RALYL: variants seen among roughly 807,000 people sequenced by gnomAD.
The protein encoded by RALYL is RNA-binding Raly-like protein.
Under a neutral mutation model 35.1 loss-of-function variants are expected in RALYL, and 29 were observed. The ratio of observed to expected loss-of-function variants is 0.83; its 90% confidence interval spans 0.61 to 1.13. The LOEUF (loss-of-function observed/expected upper bound fraction) is 1.13, where lower values mean the gene tolerates loss of function less well. Among genes scored for constraint, RALYL ranks in the 50% most tolerant of loss-of-function variants. The probability of loss-of-function intolerance (pLI) is 0.00; values close to 1 mark genes in which losing one functional copy is unlikely to be tolerated. For synonymous variants in RALYL, 120 were observed against 127.6 expected, an observed-to-expected ratio of 0.94 and a Z score of 0.40; for missense variants, 359 against 360.4, an observed-to-expected ratio of 1.00 and a Z score of 0.03.
chr8:84,818,549 G>A (rs1161461137), intron 4 of RALYL, among the ~76,000 whole-genome samples: 1 of 152,152 alleles, frequency 6.6e-6, no homozygotes, highest in African/African-American at 2.4e-5. Flanking sequence ...AGTCTAGTGA[G>A]CTAGGAAGAT....
At chr8:84,730,010 G>T (rs954713039) in intron 2 of RALYL, among the ~76,000 whole-genome samples, 12 of 152,138 alleles carry the variant, frequency 7.9e-5, no homozygotes, top group Non-Finnish European at 1.2e-4. Flanking sequence ...TAGAAAAAGA[G>T]GGAATCTTCC....
chr8:84,322,077 G>A (rs887854538), intron 1 of RALYL, among the ~76,000 whole-genome samples: 1 of 151,952 alleles, frequency 6.6e-6, no homozygotes, highest in Non-Finnish European at 1.5e-5. Context: ...ATTATAATTC[G>A]AGTCTTTAAT....
intron 2 of RALYL, among the ~76,000 whole-genome samples, chr8:84,562,712 A>G (rs2061542853): frequency 1.3e-5 from 2 of 151,912 alleles, no homozygotes; most frequent in Non-Finnish European, 2.9e-5. Context: ...CAGACCAGAA[A>G]CATCTGTCTC....
chr8:84,464,590 G>A (rs1448105283), intron 1 of RALYL, among the ~76,000 whole-genome samples: 6 of 149,614 alleles, frequency 4.0e-5, no homozygotes, highest in South Asian at 2.1e-4. Context: ...GAATAATGCC[G>A]CAATAAACAT....
chr8:84,664,284 T>TC (rs2131701106), intron 2 of RALYL, among the ~76,000 whole-genome samples: 1 of 150,740 alleles, frequency 6.6e-6, no homozygotes, highest in South Asian at 2.1e-4. Context: ...TTTTTTTTTT[T>TC]TTTCGCTTTG....
At chr8:84,600,066 A>G (rs1302509641) in intron 2 of RALYL, among the ~76,000 whole-genome samples, 1 of 151,914 alleles carries the variant, frequency 6.6e-6, no homozygotes, top group Non-Finnish European at 1.5e-5. Flanking sequence ...AAGCACATAC[A>G]CTTATAGATT....
chr8:84,541,026 G>A (rs963116328), intron 2 of RALYL, among the ~76,000 whole-genome samples: 7 of 151,374 alleles, frequency 4.6e-5, no homozygotes, highest in Non-Finnish European at 5.9e-5. Flanking sequence ...TTCATTTTAA[G>A]TCAGATTAGT....
chr8:84,583,852 T>G (rs1811388801), intron 2 of RALYL, among the ~76,000 whole-genome samples: 1 of 152,190 alleles, frequency 6.6e-6, no homozygotes. Context: ...AAACAGAGGC[T>G]TAGGAATAGT....
chr8:84,773,786 T>C (rs572332615), intron 2 of RALYL, among the ~76,000 whole-genome samples: 1 of 152,320 alleles, frequency 6.6e-6, no homozygotes, highest in Admixed American at 6.5e-5. Context: ...CTTTTCTATA[T>C]AAATGGAAAA....
intron 2 of RALYL, among the ~76,000 whole-genome samples, chr8:84,611,686 C>T (rs761782163): frequency 8.5e-5 from 13 of 152,204 alleles, no homozygotes; most frequent in East Asian, 7.7e-4. Flanking sequence ...GTTTGATTAA[C>T]GCAATAAATA....
chr8:84,874,675 A>T (rs749181991), intron 7 of RALYL, among the ~76,000 whole-genome samples: 2 of 152,192 alleles, frequency 1.3e-5, no homozygotes, highest in Non-Finnish European at 2.9e-5. Flanking sequence ...GAAAAGAAGC[A>T]CATGTGAGGT....
At chr8:84,607,311 T>C (rs920460683) in intron 2 of RALYL, among the ~76,000 whole-genome samples, 1 of 152,104 alleles carries the variant, frequency 6.6e-6, no homozygotes, top group Non-Finnish European at 1.5e-5. Context: ...TAATTTACAG[T>C]AATGCAATAA....
chr8:84,525,808 A>G (rs539849416), intron 1 of RALYL, among the ~76,000 whole-genome samples: 1 of 152,080 alleles, frequency 6.6e-6, no homozygotes, highest in South Asian at 2.1e-4. Flanking sequence ...TAAAAGTCCC[A>G]TTTGATTCAT....
chr8:84,369,302 G>GTATTTATTTATTTATTTATTTATT (rs143936722), intron 1 of RALYL, among the ~76,000 whole-genome samples: 2 of 151,108 alleles, frequency 1.3e-5, no homozygotes, highest in African/African-American at 4.9e-5. Context: ...GAAAAAACTA[G>GTATTTATTTATTTATTTATTTATT]TATTTATTTA....
chr8:84,478,832 A>G (rs574603213), intron 1 of RALYL, among the ~76,000 whole-genome samples: 1 of 151,112 alleles, frequency 6.6e-6, no homozygotes, highest in African/African-American at 2.4e-5. Flanking sequence ...CACGCCTGTA[A>G]TCCCAGCACT....
chr8:84,575,339 A>G (rs962242839), intron 2 of RALYL, among the ~76,000 whole-genome samples: 2 of 152,194 alleles, frequency 1.3e-5, no homozygotes, highest in African/African-American at 4.8e-5. Context: ...AAAAAATTTT[A>G]AACATAACTT....
chr8:84,207,576 G>C (rs1366668309), intron 1 of RALYL, among the ~76,000 whole-genome samples: 1 of 151,942 alleles, frequency 6.6e-6, no homozygotes, highest in Non-Finnish European at 1.5e-5. Context: ...GGACAAAATG[G>C]GGAGATGTTG....
chr8:84,512,626 A>G (rs2057717439), intron 1 of RALYL, among the ~76,000 whole-genome samples: 4 of 152,098 alleles, frequency 2.6e-5, no homozygotes, highest in Admixed American at 2.6e-4. Context: ...TCCAGGAGTG[A>G]TTCCCTTATG....
chr8:84,846,537 A>G (rs1834698650), intron 4 of RALYL, among the ~76,000 whole-genome samples: 1 of 152,206 alleles, frequency 6.6e-6, no homozygotes, highest in African/African-American at 2.4e-5. Flanking sequence ...AGAGTGAGTT[A>G]GAGAGAAGTC....
Sources: allele counts gnomAD v4.1 joint callset (sites outside exome capture counted in the v4.1 genomes callset), GRCh38; gene constraint gnomAD v4.1.1; transcripts MANE v1.5; gene names NCBI Gene and HGNC (gene_info 2026-07-23, HGNC 2026-07-21).